The following SLC25A13 variants were observed in gnomAD, a reference collection of about 807,000 sequenced individuals.
SLC25A13 encodes electrogenic aspartate/glutamate antiporter SLC25A13, mitochondrial.
SLC25A13 carries 70 observed loss-of-function variants against 85.5 expected under a neutral mutation model. The ratio of observed to expected loss-of-function variants is 0.82; its 90% confidence interval spans 0.68 to 1.00. The LOEUF is 1.00. Ranked by LOEUF, SLC25A13 falls within the 50% of genes least tolerant of loss-of-function variation. The pLI is 0.00. For synonymous variants in SLC25A13, 259 were observed against 288.7 expected, an observed-to-expected ratio of 0.90 and a Z score of 1.04; for missense variants, 765 against 819.8, an observed-to-expected ratio of 0.93 and a Z score of 0.82.
At chr7:96,233,255 C>T (rs1004707060) in intron 4 of SLC25A13, among the ~76,000 whole-genome samples, 9 of 152,194 alleles carry the variant, frequency 5.9e-5, no homozygotes, top group African/African-American at 2.2e-4. Context: ...CCAGGAAACG[C>T]TATTATAACA....
chr7:96,150,667 G>C (rs1438116845), intron 13 of SLC25A13, among the ~76,000 whole-genome samples: 31 of 152,014 alleles, frequency 2.0e-4, no homozygotes, highest in Non-Finnish European at 2.9e-5. Context: ...CAGACATGTA[G>C]GACACAAAAG....
chr7:96,193,162 T>C lies in SLC25A13; in HGVS notation c.490A>G (p.Lys164Glu). ...FLLEIQLEHA[K>E]QAFVQRDNAR... ...TTGTCCCGTTGCACAAAGGCTTGCT[T>C]TGCGTGCTCCAGTTGTATTTCCTAC... The change falls in exon 6 of 18, where the codon AAG becomes GAG. Residue 164 changes from lysine (K) to glutamate (E), a missense_variant. Coordinates refer to ENST00000265631, the MANE Select transcript of SLC25A13 (RefSeq NM_014251.3). The C allele has an allele frequency of 6.2e-7, 1 of 1,614,138 alleles. No homozygotes were observed. The highest frequency in any genetic ancestry group is 1.3e-5 in the African/African-American group (1 of 75,048).
chr7:96,277,011 C>T (rs1171636484), intron 3 of SLC25A13, among the ~76,000 whole-genome samples, 185 bp downstream of exon 3: 2 of 151,898 alleles, frequency 1.3e-5, no homozygotes, highest in East Asian at 3.9e-4. Context: ...ATTGAATCCC[C>T]AACTTGAAAC....
intron 3 of SLC25A13, among the ~76,000 whole-genome samples, chr7:96,243,278 C>T (rs1176443009): frequency 6.6e-6 from 1 of 152,118 alleles, no homozygotes; most frequent in Non-Finnish European, 1.5e-5. Flanking sequence ...GAGTCTGACT[C>T]TTTTTGATAA....
chr7:96,297,799 CT>C (rs2116996816), intron 1 of SLC25A13, among the ~76,000 whole-genome samples: 2 of 152,294 alleles, frequency 1.3e-5, no homozygotes, highest in Non-Finnish European at 2.9e-5. Context: ...AATCATAGGT[CT>C]CCAAAGGTAT....
intron 4 of SLC25A13, among the ~76,000 whole-genome samples, chr7:96,215,225 A>C (rs963833788): frequency 3.9e-5 from 6 of 152,158 alleles, no homozygotes; most frequent in African/African-American, 1.4e-4. Flanking sequence ...CAGCCTCCTG[A>C]GTACCTGGGA....
intron 4 of SLC25A13, among the ~76,000 whole-genome samples, chr7:96,225,224 A>G (rs1420666984): frequency 6.6e-6 from 1 of 151,996 alleles, no homozygotes; most frequent in Non-Finnish European, 1.5e-5. Flanking sequence ...CCCATGGCCA[A>G]TCGGGAGCCA....
intron 13 of SLC25A13, among the ~76,000 whole-genome samples, chr7:96,147,997 T>C (rs1447348586): frequency 6.6e-6 from 1 of 151,688 alleles, no homozygotes; most frequent in Non-Finnish European, 1.5e-5. Flanking sequence ...TAAAGAAAAA[T>C]AAACACCTAT....
At chr7:96,178,776 C>T (rs1312850659) in intron 11 of SLC25A13, among the ~76,000 whole-genome samples, 1 of 152,158 alleles carries the variant, frequency 6.6e-6, no homozygotes, top group Non-Finnish European at 1.5e-5. Flanking sequence ...ATTCTTTCCT[C>T]CCTCCTCCTC....
chr7:96,168,096 C>G (rs941961228), intron 13 of SLC25A13, among the ~76,000 whole-genome samples: 2 of 18,976 alleles, frequency 1.1e-4, no homozygotes, highest in African/African-American at 2.9e-4. Context: ...GAAACTCTGT[C>G]TGAAAAAAAA....
At chr7:96,219,459 G>C (rs1292601851) in intron 4 of SLC25A13, among the ~76,000 whole-genome samples, 3 of 152,138 alleles carry the variant, frequency 2.0e-5, no homozygotes, top group East Asian at 3.8e-4. Context: ...GTGGCATTCA[G>C]GAAAGAACCC....
chr7:96,218,804 TGAAG>T (rs1361569837), intron 4 of SLC25A13, among the ~76,000 whole-genome samples: 23 of 152,188 alleles, frequency 1.5e-4, no homozygotes, highest in Admixed American at 1.5e-3. Context: ...AGAGGACTGC[TGAAG>T]GCCCAGCATT....
chr7:96,289,518 T>A (rs929168087), intron 2 of SLC25A13, among the ~76,000 whole-genome samples: 1 of 152,128 alleles, frequency 6.6e-6, no homozygotes, highest in East Asian at 1.9e-4. Flanking sequence ...GAAAAAAAGA[T>A]TGGACGAAAG....
intron 3 of SLC25A13, among the ~76,000 whole-genome samples, chr7:96,237,396 T>C (rs906204017): frequency 3.3e-5 from 5 of 152,192 alleles, no homozygotes; most frequent in African/African-American, 1.2e-4. Context: ...GAGAAGCATG[T>C]AGGAGTTACC....
At chr7:96,140,692 C>T (rs570544270) in intron 14 of SLC25A13, among the ~76,000 whole-genome samples, 34 of 152,058 alleles carry the variant, frequency 2.2e-4, no homozygotes, top group Admixed American at 1.4e-3. Flanking sequence ...CGTCAGGCAC[C>T]GCGCCTGGCC....
Position 96,296,897 on chromosome 7 carries a change from C to G in SLC25A13, c.69+1G>C. ...AACAAAATAGATTCCTTTATACTGACCTTCAAAAATATTGTTCTAAGCTCA... is the reference window on the plus strand; with the variant it reads ...AACAAAATAGATTCCTTTATACTGAGCTTCAAAAATATTGTTCTAAGCTCA... On this transcript the variant is annotated splice_donor_variant, in intron 2 of 17. Transcript: ENST00000265631. LOFTEE classifies it high-confidence loss of function. 1 of 1,612,406 alleles carries G rather than the reference C, an allele frequency of 6.2e-7. No homozygotes were observed. The highest frequency in any genetic ancestry group is 8.5e-7 in the Non-Finnish European group (1 of 1,178,616).
chr7:96,167,818 G>C (rs1158494793), intron 13 of SLC25A13, among the ~76,000 whole-genome samples: 5 of 152,144 alleles, frequency 3.3e-5, no homozygotes, highest in Admixed American at 6.5e-5. Context: ...AAAATGCATG[G>C]CTGGGCGGGG....
At chr7:96,139,007 T>C (rs1188263364) in intron 14 of SLC25A13, among the ~76,000 whole-genome samples, 3 of 152,226 alleles carry the variant, frequency 2.0e-5, no homozygotes, top group African/African-American at 7.2e-5. Flanking sequence ...TGGAAGAAAC[T>C]AGGTATTCCT....
Position 96,239,037 on chromosome 7 carries a change from T to TTA in SLC25A13, c.213-4122_213-4121dup, listed in dbSNP as rs58990918. Among the ~76,000 whole-genome samples, 988 of 130,818 alleles carry TTA rather than the reference T, an allele frequency of 7.6e-3. 7 individuals carry two copies. Among genetic ancestry groups the TTA allele is most frequent in the South Asian group, 0.022 (87 of 4,016 alleles). 85.8% of individuals were successfully genotyped at this position (130,818 alleles called of 152,430 possible). ...TATATTATATATATGACTATATATT[T>TTA]TATATATATATATATATATATATAT... On this transcript the variant is annotated intron_variant, in intron 3 of 17. Transcript: ENST00000265631.
Sources: gnomAD v4.1 joint callset for allele counts (sites outside exome capture counted in the v4.1 genomes callset) on GRCh38, gnomAD v4.1.1 for gene constraint, MANE v1.5 for transcripts, NCBI Gene and HGNC (gene_info 2026-07-23, HGNC 2026-07-21) for gene names.